Variants in ALKAL1 observed in about 807,000 individuals in gnomAD.
The protein encoded by ALKAL1 is AUG-beta.
Under a neutral mutation model 13.5 loss-of-function variants are expected in ALKAL1, and 23 were observed. That is an observed-to-expected ratio of 1.70 (90% confidence interval 1.23 to 2.41). The LOEUF (loss-of-function observed/expected upper bound fraction) is 2.41. Among genes scored for constraint, ALKAL1 ranks in the 30% most tolerant of loss-of-function variants. ALKAL1 has a pLI of 0.00. For missense variants in ALKAL1, 181 were observed against 178.4 expected, an observed-to-expected ratio of 1.01 and a Z score of -0.08; for synonymous variants, 85 against 77.7, an observed-to-expected ratio of 1.09 and a Z score of -0.49.
intron 1 of ALKAL1, among the ~76,000 whole-genome samples, chr8:52,554,392 G>A (rs1310449420): frequency 6.6e-6 from 1 of 152,190 alleles, no homozygotes; most frequent in Non-Finnish European, 1.5e-5. Context: ...CTTGGATTAG[G>A]CAGTGACATT....
At chr8:52,563,095 ATTG>A (rs924256124) in intron 1 of ALKAL1, among the ~76,000 whole-genome samples, 8 of 152,182 alleles carry the variant, frequency 5.3e-5, no homozygotes, top group African/African-American at 1.9e-4. Flanking sequence ...GTCTGACTAT[ATTG>A]TTGTTTAAAA....
intron 1 of ALKAL1, among the ~76,000 whole-genome samples, chr8:52,548,114 C>T (rs184197698): frequency 3.7e-4 from 57 of 152,132 alleles, no homozygotes; most frequent in Non-Finnish European, 7.1e-4. Flanking sequence ...TTTGGGAGGC[C>T]GAGGCCGGTG....
At chr8:52,561,118 C>G (rs1010919830) in intron 1 of ALKAL1, among the ~76,000 whole-genome samples, 4 of 151,986 alleles carry the variant, frequency 2.6e-5, no homozygotes, top group African/African-American at 9.7e-5. Context: ...AGGTGATATG[C>G]AAAGCAGCAA....
Position 52,561,640 on chromosome 8 carries a change from C to T in ALKAL1, c.190+3427G>A, listed in dbSNP as rs571961234. On this transcript the variant is annotated intron_variant, in intron 1 of 4. Transcript: ENST00000358543. Reference sequence around the variant, plus strand: ...GGAAGCTAGGACCTTCCTGGAAAATCAAGAGAAACCACAGCAGATTTATGA... The same window carrying T: ...GGAAGCTAGGACCTTCCTGGAAAATTAAGAGAAACCACAGCAGATTTATGA... Among the ~76,000 whole-genome samples the T allele has an allele frequency of 3.9e-5, 6 of 152,266 alleles. No individual in the cohort carries two copies. In the South Asian group the frequency reaches 1.2e-3, roughly 32 times the overall value.
Position 52,565,194 on chromosome 8 carries a change from G to A in ALKAL1, c.63C>T (p.Ser21=). The A allele has an allele frequency of 7.4e-7, 1 of 1,355,132 alleles. No individual in the cohort carries two copies. The highest frequency in any genetic ancestry group is 9.6e-7 in the Non-Finnish European group (1 of 1,045,630). The allele number at this position is 1,355,132 out of a possible 1,614,324, so 83.9% of individuals were successfully genotyped here. The change falls in exon 1 of 5, where the codon TCC becomes TCT. Residue 21 remains serine, a synonymous_variant. Coordinates refer to ENST00000358543, the MANE Select transcript of ALKAL1 (RefSeq NM_207413.4). ...PALFLLALAL[S]PHGAHGRPRG... is the part of the protein sequence containing the mutation. ...GGGGCCTCCCGTGGGCTCCGTGCGG[G>A]GACAAAGCCAGCGCCAGCAGGAAGA...
intron 1 of ALKAL1, among the ~76,000 whole-genome samples, chr8:52,548,266 A>C (rs1312970205): frequency 6.6e-6 from 1 of 152,108 alleles, no homozygotes; most frequent in Non-Finnish European, 1.5e-5. Context: ...CAGGGGAATC[A>C]CGTGAACCTA....
intron 1 of ALKAL1, among the ~76,000 whole-genome samples, chr8:52,562,234 A>T (rs973175982): frequency 6.6e-6 from 1 of 152,138 alleles, no homozygotes; most frequent in Non-Finnish European, 1.5e-5. Flanking sequence ...AGAGTTGGAG[A>T]TGATCGAGAA....
At chr8:52,550,285 C>T (rs1847417017) in intron 1 of ALKAL1, among the ~76,000 whole-genome samples, 1 of 152,154 alleles carries the variant, frequency 6.6e-6, no homozygotes, top group Admixed American at 6.5e-5. Context: ...TTGCTACGTT[C>T]TACAGACTAG....
At chr8:52,541,313 G>T (rs549689523) in intron 2 of ALKAL1, among the ~76,000 whole-genome samples, 83 of 152,130 alleles carry the variant, frequency 5.5e-4, no homozygotes, top group African/African-American at 2.0e-3. Context: ...CATATCTAGA[G>T]AAAATAAAAA....
Position 52,565,208 on chromosome 8 carries a change from C to T in ALKAL1, c.49G>A (p.Ala17Thr). Residue 17 changes from alanine (A) to threonine (T), a missense_variant, in exon 1 of 5, where the codon GCG becomes ACG. By Grantham distance (58) the Ala-to-Thr change is moderately conservative (BLOSUM62 0). Transcript: ENST00000358543. ...GCTCCGTGCGGGGACAAAGCCAGCG[C>T]CAGCAGGAAGAGTGCGGGCAAAGGG... ...GAPLPALFLLALALSPHGAHG... is the reference protein window; with the variant it reads ...GAPLPALFLLTLALSPHGAHG... 2 of 1,340,512 alleles carry T rather than the reference C, an allele frequency of 1.5e-6. No homozygotes were observed. Among genetic ancestry groups the T allele is most frequent in the Non-Finnish European group, 1.9e-6 (2 of 1,038,324 alleles). 83.0% of individuals were successfully genotyped at this position (1,340,512 alleles called of 1,614,324 possible). A position where few individuals can be genotyped will look rare whatever the true frequency, so the allele number is the denominator to read the frequency against.
chr8:52,538,330 A>G (rs1847281532), intron 4 of ALKAL1, 101 bp downstream of exon 4: 1 of 701,850 alleles, frequency 1.4e-6, no homozygotes, highest in East Asian at 2.7e-5. Flanking sequence ...TACCCCATAA[A>G]TATGTACAAT....
chr8:52,565,241 G>A lies in ALKAL1; in HGVS notation c.16C>T (p.Pro6Ser), dbSNP rs2150349174. MRPLK[P>S]GAPLPALFLL... ...AAGAGTGCGGGCAAAGGGGCGCCGG[G>A]CTTAAGGGGCCGCATGTTCGCAAGC... Residue 6 changes from proline (P) to serine (S), a missense_variant, in exon 1 of 5, where the codon CCC becomes TCC. By Grantham distance (74) the Pro-to-Ser change is moderately conservative. Coordinates refer to ENST00000358543, the MANE Select transcript of ALKAL1 (RefSeq NM_207413.4). The A allele has an allele frequency of 1.5e-6, 2 of 1,316,516 alleles. No homozygotes were observed. The highest frequency in any genetic ancestry group is 2.2e-5 in the South Asian group (1 of 44,582). The allele number at this position is 1,316,516 out of a possible 1,614,324, so 81.6% of individuals were successfully genotyped here. A position where few individuals can be genotyped will look rare whatever the true frequency, so the allele number is the denominator to read the frequency against.
rs1456962682 is a variant in ALKAL1, at chr8:52,534,416, T to C, written c.*197A>G. ...TTTTACAAAATTATAAATTACTGTA[T>C]ACACAAAAAGATAAAGCAAGAAAGA... On this transcript the variant is annotated 3_prime_UTR_variant, in exon 5 of 5. Transcript: ENST00000358543. 1 of 400,064 alleles carries C rather than the reference T, an allele frequency of 2.5e-6. No homozygotes were observed. Among genetic ancestry groups the C allele is most frequent in the Non-Finnish European group, 4.4e-6 (1 of 227,584 alleles). The allele number at this position is 400,064 out of a possible 1,614,324, so 24.8% of individuals were successfully genotyped here.
At chr8:52,550,712 C>G (rs748331716) in intron 1 of ALKAL1, among the ~76,000 whole-genome samples, 7 of 152,138 alleles carry the variant, frequency 4.6e-5, no homozygotes, top group Non-Finnish European at 1.0e-4. Context: ...TGGCTGCCAG[C>G]AATCCTTGGC....
chr8:52,538,442 G>T lies in ALKAL1; in HGVS notation c.*1C>A, dbSNP rs750974368. The T allele has an allele frequency of 3.1e-6, 5 of 1,593,924 alleles. No individual in the cohort carries two copies. In the Admixed American group the frequency reaches 6.7e-5, roughly 21 times the overall value. On this transcript the variant is annotated 3_prime_UTR_variant, in exon 4 of 5. Transcript: ENST00000358543. Reference sequence around the variant, plus strand: ...AAATATATACTCACAGGGTAGTTTTGCTAGGTCTGGGAGCACAGTGGACTC... The same window carrying T: ...AAATATATACTCACAGGGTAGTTTTTCTAGGTCTGGGAGCACAGTGGACTC...
intron 1 of ALKAL1, among the ~76,000 whole-genome samples, chr8:52,544,438 C>T (rs894450707): frequency 5.9e-5 from 9 of 152,126 alleles, no homozygotes; most frequent in Admixed American, 5.9e-4. Context: ...ATGTCCAGAG[C>T]TGCTGAAGAA....
intron 1 of ALKAL1, among the ~76,000 whole-genome samples, chr8:52,545,608 C>T (rs1476464541): frequency 1.3e-5 from 2 of 150,744 alleles, no homozygotes; most frequent in Admixed American, 6.7e-5. Flanking sequence ...ACATCTTACA[C>T]ATATTGATTG....
Position 52,562,844 on chromosome 8 carries a change from C to A in ALKAL1, c.190+2223G>T, listed in dbSNP as rs549779039. 2.0e-5 allele frequency among the ~76,000 whole-genome samples: 3 copies of A among 152,264 alleles called. No homozygotes were observed. In the South Asian group the frequency reaches 6.2e-4, roughly 32 times the overall value. ...GCGAGATATTTTCCTCCTGAATGAA[C>A]GATAACCCCTGCCACCTGCTGAGTG... On this transcript the variant is annotated intron_variant, in intron 1 of 4. Transcript: ENST00000358543.
At chr8:52,535,702 AACTGTAG>A (rs1847260228) in intron 4 of ALKAL1, among the ~76,000 whole-genome samples, 1 of 152,180 alleles carries the variant, frequency 6.6e-6, no homozygotes, top group Non-Finnish European at 1.5e-5. Flanking sequence ...TCAATTTAGC[AACTGTAG>A]ATATGCAGAA....
Sources: allele counts gnomAD v4.1 joint callset (sites outside exome capture counted in the v4.1 genomes callset), GRCh38; gene constraint gnomAD v4.1.1; transcripts MANE v1.5; gene names NCBI Gene and HGNC (gene_info 2026-07-23, HGNC 2026-07-21).